NOS1AP: variants seen among roughly 807,000 people sequenced by gnomAD.
NOS1AP encodes nitric oxide synthase 1 adaptor protein.
NOS1AP carries 21 observed loss-of-function variants against 56.2 expected under a neutral mutation model. That is an observed-to-expected ratio of 0.37 (90% CI 0.26 to 0.54). The LOEUF is 0.54. Among genes scored for constraint, NOS1AP ranks in the 20% least tolerant of loss-of-function variants. NOS1AP has a pLI of 0.84. For missense variants in NOS1AP, 522 were observed against 657.8 expected (o/e 0.79, Z 2.26); for synonymous variants, 270 against 274.6 (o/e 0.98, Z 0.17).
chr1:162,279,593 C>T (rs1214218216), intron 2 of NOS1AP, among the ~76,000 whole-genome samples: 2 of 152,254 alleles, frequency 1.3e-5, no homozygotes, highest in African/African-American at 4.8e-5. Context: ...TCTGTCCTCA[C>T]TGGTATTTCA....
intron 3 of NOS1AP, among the ~76,000 whole-genome samples, chr1:162,292,685 A>G (rs1347447402): frequency 6.6e-6 from 1 of 152,218 alleles, no homozygotes; most frequent in African/African-American, 2.4e-5. Context: ...GAAATGCCTA[A>G]TTAATTAAGC....
intron 1 of NOS1AP, among the ~76,000 whole-genome samples, chr1:162,128,664 T>A (rs1015892491): frequency 2.6e-5 from 4 of 152,328 alleles, no homozygotes; most frequent in African/African-American, 7.2e-5. Flanking sequence ...TTTTTTATTA[T>A]CCATTTTCTC....
chr1:162,357,250 T>C (rs941311709), intron 8 of NOS1AP, 114 bp downstream of exon 8: 6 of 1,514,722 alleles, frequency 4.0e-6, no homozygotes, highest in Non-Finnish European at 5.3e-6. Context: ...AAGGAATCGC[T>C]CATGCTATTG....
At chr1:162,115,357 A>T (rs1415260) in intron 1 of NOS1AP, among the ~76,000 whole-genome samples, 77,505 of 151,780 alleles carry the variant, frequency 0.51, 21,823 homozygotes, top group Non-Finnish European at 0.64. Context: ...CTATGTGATG[A>T]TGGGTAAATT....
At chr1:162,197,234 C>T (rs982731779) in intron 2 of NOS1AP, among the ~76,000 whole-genome samples, 9 of 152,210 alleles carry the variant, frequency 5.9e-5, no homozygotes, top group South Asian at 2.1e-4. Context: ...AGACCACACA[C>T]GGGCAAGCCT....
intron 2 of NOS1AP, among the ~76,000 whole-genome samples, chr1:162,235,471 G>A (rs1450821966): frequency 2.0e-5 from 3 of 152,174 alleles, no homozygotes; most frequent in Non-Finnish European, 4.4e-5. Context: ...CCTCACTGTT[G>A]CGCATACCTG....
intron 8 of NOS1AP, 125 bp downstream of exon 8, chr1:162,357,261 G>T (rs2101821691): frequency 6.7e-7 from 1 of 1,490,116 alleles, no homozygotes. Context: ...CATGCTATTG[G>T]ATCATTGCTT....
chr1:162,225,929 G>A (rs1424515902), intron 2 of NOS1AP, among the ~76,000 whole-genome samples: 1 of 152,190 alleles, frequency 6.6e-6, no homozygotes, highest in African/African-American at 2.4e-5. Flanking sequence ...TTAATTTTAT[G>A]TTAAGAAGCA....
At chr1:162,128,805 TGAA>T (rs1013126268) in intron 1 of NOS1AP, among the ~76,000 whole-genome samples, 16 of 152,200 alleles carry the variant, frequency 1.1e-4, no homozygotes, top group African/African-American at 3.9e-4. Context: ...TTTTGTTACT[TGAA>T]GAAATCAGTT....
At position 162,370,018 on chromosome 1, in the gene NOS1AP, T is replaced by A. The variant is rs990535600; in HGVS notation, c.*2551T>A. Reference sequence around the variant, plus strand: ...GCCTTCCTCTTTTTCATTCTTCTACTCTGCCCTATATGGAGGACAAATGGA... The same window carrying A: ...GCCTTCCTCTTTTTCATTCTTCTACACTGCCCTATATGGAGGACAAATGGA... On this transcript the variant is annotated 3_prime_UTR_variant, in exon 10 of 10. Coordinates refer to ENST00000361897, the MANE Select transcript of NOS1AP (RefSeq NM_014697.3). 2.0e-5 allele frequency: 3 copies of A among 152,478 alleles called. No individual in the cohort carries two copies. The highest frequency in any genetic ancestry group is 7.2e-5 in the African/African-American group (3 of 41,552). 9.4% of individuals were successfully genotyped at this position (152,478 alleles called of 1,614,324 possible).
rs1557896642 is a variant in NOS1AP, at chr1:162,367,381, T to C, written c.1435T>C (p.Trp479Arg). 1.2e-6 allele frequency: 2 copies of C among 1,608,928 alleles called. No individual in the cohort carries two copies. The highest frequency in any genetic ancestry group is 8.5e-7 in the Non-Finnish European group (1 of 1,177,698). ...GGACGAGAGCGAGGAGCGCGACTCG[T>C]GGTCCCAGGAGGAGCTGCCGCGCCT... ...NTDESEERDS[W>R]SQEELPRLLN... Residue 479 changes from tryptophan to arginine, a missense_variant, in exon 10 of 10, where the codon TGG becomes CGG. Trp to Arg is a moderately radical substitution (Grantham distance 101, BLOSUM62 -3). Coordinates refer to ENST00000361897, the MANE Select transcript of NOS1AP (RefSeq NM_014697.3). This position sits in a 1 kb window ranked among gnomAD's most constrained non-coding sequence, Gnocchi z 6.5.
intron 2 of NOS1AP, among the ~76,000 whole-genome samples, chr1:162,215,026 G>A (rs1308644365): frequency 6.6e-6 from 1 of 152,174 alleles, no homozygotes; most frequent in East Asian, 1.9e-4. Flanking sequence ...ATATTCCTCT[G>A]GCTTCACCCC....
intron 2 of NOS1AP, among the ~76,000 whole-genome samples, chr1:162,159,532 C>T (rs1345064787): frequency 6.6e-6 from 1 of 152,154 alleles, no homozygotes; most frequent in Non-Finnish European, 1.5e-5. Context: ...CATCTAGCCC[C>T]TTTTAATAGC....
At chr1:162,221,786 G>A (rs917300486) in intron 2 of NOS1AP, among the ~76,000 whole-genome samples, 1 of 152,130 alleles carries the variant, frequency 6.6e-6, no homozygotes, top group Non-Finnish European at 1.5e-5. Context: ...TTCAGTAAAT[G>A]TCAGCTACTT....
chr1:162,132,064 T>C (rs1452847263), intron 1 of NOS1AP, among the ~76,000 whole-genome samples: 1 of 152,184 alleles, frequency 6.6e-6, no homozygotes, highest in Non-Finnish European at 1.5e-5. Context: ...GATAATGGCA[T>C]GTGTGTGTCC....
intron 4 of NOS1AP, among the ~76,000 whole-genome samples, chr1:162,308,661 C>G (rs1448449731): frequency 6.6e-6 from 1 of 152,210 alleles, no homozygotes; most frequent in Non-Finnish European, 1.5e-5. Context: ...GCAGAGGAAT[C>G]TTACCATCGT....
At chr1:162,241,625 G>T (rs1653490694) in intron 2 of NOS1AP, among the ~76,000 whole-genome samples, 1 of 152,030 alleles carries the variant, frequency 6.6e-6, no homozygotes, top group Non-Finnish European at 1.5e-5. Context: ...ACTTGACCTG[G>T]GCTACACTGC....
chr1:162,209,183 T>C (rs1189294774), intron 2 of NOS1AP, among the ~76,000 whole-genome samples: 3 of 152,206 alleles, frequency 2.0e-5, no homozygotes, highest in Admixed American at 2.0e-4. Context: ...TTGCACAAGA[T>C]GTTTCCCAAT....
At chr1:162,127,514 A>G (rs1482033879) in intron 1 of NOS1AP, among the ~76,000 whole-genome samples, 1 of 151,404 alleles carries the variant, frequency 6.6e-6, no homozygotes, top group East Asian at 1.9e-4. Context: ...ATAACCTGAG[A>G]CTGGGTACTT....
Sources: gnomAD v4.1 joint callset for allele counts (sites outside exome capture counted in the v4.1 genomes callset) on GRCh38, gnomAD v4.1.1 for gene constraint, Gnocchi (gnomAD v3.1) non-coding constraint, MANE v1.5 for transcripts, NCBI Gene and HGNC (gene_info 2026-07-23, HGNC 2026-07-21) for gene names.